The following PALLD variants were observed in gnomAD, a reference collection of about 807,000 sequenced individuals.
The protein encoded by PALLD is palladin.
A neutral mutation model predicts 123.5 loss-of-function variants in PALLD; 61 were observed. The observed-to-expected ratio is 0.49, with a 90% CI of 0.40 to 0.61. The LOEUF (loss-of-function observed/expected upper bound fraction) is 0.61. PALLD is among the 20% of genes least tolerant of loss of function. The pLI, the probability that PALLD is intolerant of heterozygous loss-of-function variation, is 0.00. For synonymous variants in PALLD, 465 were observed against 496.4 expected (o/e 0.94, Z 0.84); for missense variants, 1,273 against 1,377.0 (o/e 0.92, Z 1.20).
At chr4:168,906,777 A>G (rs1757897022) in intron 15 of PALLD, among the ~76,000 whole-genome samples, 1 of 152,200 alleles carries the variant, frequency 6.6e-6, no homozygotes. Context: ...AGCGTGAGCC[A>G]CTGCCATTAG....
In PALLD at chr4:168,669,607, A is replaced by AG. The variant is rs761141946; in HGVS notation, c.1087+1240dup. Among the ~76,000 whole-genome samples the AG allele has an allele frequency of 2.6e-3, 398 of 152,292 alleles. 2 individuals are homozygous for AG. Among genetic ancestry groups the AG allele is most frequent in the Non-Finnish European group, 4.2e-3 (289 of 68,030 alleles). On this transcript the variant is annotated intron_variant, in intron 3 of 21. Coordinates refer to ENST00000505667, the MANE Select transcript of PALLD (RefSeq NM_001166108.2). ...AAGCAAGACCCCATCTCTTAAAAAAAGAGAAAAATTTAAAAATAAAAAGTA... is the reference window on the plus strand; with the variant it reads ...AAGCAAGACCCCATCTCTTAAAAAAAGGAGAAAAATTTAAAAATAAAAAGTA...
In PALLD at chr4:168,761,645, G is replaced by GTTTTTTTTTTTTTTT. The variant is rs70961555; in HGVS notation, c.1964+49739_1964+49753dup. On this transcript the variant is annotated intron_variant, in intron 10 of 21. Transcript: ENST00000505667. ...CCAGCTATTTTTGTTGTTGTTGTTT[G>GTTTTTTTTTTTTTTT]TTTTTTTTTTTTTTTTTTTTTTTTT... 1.5e-3 allele frequency among the ~76,000 whole-genome samples: 132 copies of GTTTTTTTTTTTTTTT among 87,822 alleles called. 10 individuals carry two copies. The highest frequency in any genetic ancestry group is 2.2e-3 in the African/African-American group (54 of 24,094). 57.6% of individuals were successfully genotyped at this position (87,822 alleles called of 152,430 possible). A position where few individuals can be genotyped will look rare whatever the true frequency, so the allele number is the denominator to read the frequency against.
intron 10 of PALLD, among the ~76,000 whole-genome samples, chr4:168,717,241 G>GT (rs1232291158): frequency 6.6e-6 from 1 of 152,064 alleles, no homozygotes; most frequent in Non-Finnish European, 1.5e-5. Flanking sequence ...GCTCAACGAT[G>GT]TTTTTTGAAT....
intron 10 of PALLD, among the ~76,000 whole-genome samples, chr4:168,842,389 C>T (rs889856088): frequency 6.6e-6 from 1 of 152,234 alleles, no homozygotes; most frequent in African/African-American, 2.4e-5. Flanking sequence ...GCTTAACAGA[C>T]ACCTGATGTT....
At chr4:168,794,917 G>T (rs1005459052) in intron 10 of PALLD, among the ~76,000 whole-genome samples, 5 of 152,180 alleles carry the variant, frequency 3.3e-5, no homozygotes, top group African/African-American at 9.7e-5. Context: ...TGGCTTATAA[G>T]TAATAGAAAT....
chr4:168,794,465 C>T (rs551727234), intron 10 of PALLD, among the ~76,000 whole-genome samples: 22 of 151,432 alleles, frequency 1.5e-4, no homozygotes, highest in African/African-American at 4.4e-4. Context: ...AGCGCACAGA[C>T]GTACGTGCAC....
chr4:168,582,269 A>G (rs1345512713), intron 2 of PALLD, among the ~76,000 whole-genome samples: 1 of 151,970 alleles, frequency 6.6e-6, no homozygotes, highest in East Asian at 1.9e-4. Flanking sequence ...TTTCTTTTTC[A>G]TATAGTTCAT....
At chr4:168,571,684 G>A (rs550459637) in intron 2 of PALLD, among the ~76,000 whole-genome samples, 2 of 152,190 alleles carry the variant, frequency 1.3e-5, no homozygotes, top group African/African-American at 4.8e-5. Context: ...TTAGAAATCT[G>A]GTTTTATCGG....
At position 168,926,448 on chromosome 4, in the gene PALLD, T is replaced by TGTCA; in HGVS notation, c.*269_*272dup. 1.7e-6 allele frequency: 2 copies of TGTCA among 1,157,376 alleles called. No homozygotes were observed. Among genetic ancestry groups the TGTCA allele is most frequent in the Non-Finnish European group, 1.2e-6 (1 of 807,056 alleles). The allele number at this position is 1,157,376 out of a possible 1,614,324, so 71.7% of individuals were successfully genotyped here. A position where few individuals can be genotyped will look rare whatever the true frequency, so the allele number is the denominator to read the frequency against. ...CATTGCCTTGACCAACATATTCCTT[T>TGTCA]GTCACATTATGTAAAAGGCAGAAAC... is the stretch of plus-strand genomic sequence containing the variant. On this transcript the variant is annotated 3_prime_UTR_variant, in exon 22 of 22. Transcript: ENST00000505667.
chr4:168,600,441 C>T (rs1171594777), intron 2 of PALLD, among the ~76,000 whole-genome samples: 1 of 152,146 alleles, frequency 6.6e-6, no homozygotes, highest in Non-Finnish European at 1.5e-5. Context: ...TATGACTTCT[C>T]ATGCTTAAAT....
rs182992391 is a variant in PALLD at position 168,621,877 on chromosome 4, C to T, written c.909-46313C>T. On this transcript the variant is annotated intron_variant, in intron 2 of 21. Coordinates refer to ENST00000505667, the MANE Select transcript of PALLD (RefSeq NM_001166108.2). ...GGGATATGATGCTGTGTAAATCTAC[C>T]GTAAAAGTCCTTTGCACACAAAAGA... Among the ~76,000 whole-genome samples, 78 of 152,168 alleles carry T rather than the reference C, an allele frequency of 5.1e-4. 2 individuals carry two copies. In the Middle Eastern group the frequency reaches 0.01, roughly 20 times the overall value.
chr4:168,778,467 C>T (rs1193595244), intron 10 of PALLD, among the ~76,000 whole-genome samples: 1 of 152,148 alleles, frequency 6.6e-6, no homozygotes, highest in African/African-American at 2.4e-5. Context: ...GAGGCTTAAG[C>T]TTGCATCTTT....
chr4:168,547,645 A>G (rs1766282798), intron 2 of PALLD, among the ~76,000 whole-genome samples: 1 of 150,918 alleles, frequency 6.6e-6, no homozygotes, highest in Non-Finnish European at 1.5e-5. Context: ...GAGGCGCAAG[A>G]ATTGCTTAAA....
intron 10 of PALLD, among the ~76,000 whole-genome samples, chr4:168,725,236 A>T: frequency 6.6e-6 from 1 of 152,172 alleles, no homozygotes. Flanking sequence ...TCGCTCAGAG[A>T]AGTTTATAAA....
chr4:168,734,106 T>C (rs1340989217), intron 10 of PALLD, among the ~76,000 whole-genome samples: 1 of 152,226 alleles, frequency 6.6e-6, no homozygotes, highest in Non-Finnish European at 1.5e-5. Context: ...ATCGGTTTGA[T>C]ACTTAGAAAA....
At chr4:168,522,966 A>G (rs1243287528) in intron 2 of PALLD, among the ~76,000 whole-genome samples, 3 of 152,150 alleles carry the variant, frequency 2.0e-5, no homozygotes, top group East Asian at 3.9e-4. Flanking sequence ...CCAATGGTGA[A>G]GTCTAGTTCC....
chr4:168,550,331 A>T (rs1007210650), intron 2 of PALLD, among the ~76,000 whole-genome samples: 1 of 152,164 alleles, frequency 6.6e-6, no homozygotes, highest in Admixed American at 6.5e-5. Flanking sequence ...AAGTGCTTCA[A>T]TCATACCATC....
intron 10 of PALLD, among the ~76,000 whole-genome samples, chr4:168,724,579 GTA>G (rs1786359215): frequency 1.3e-5 from 2 of 152,192 alleles, no homozygotes; most frequent in Non-Finnish European, 2.9e-5. Flanking sequence ...GAATTAGATA[GTA>G]TGTCATTTGA....
At chr4:168,846,766 TGGGTATG>T (rs1746917725) in intron 10 of PALLD, among the ~76,000 whole-genome samples, 1 of 152,146 alleles carries the variant, frequency 6.6e-6, no homozygotes, top group Admixed American at 6.5e-5. Flanking sequence ...TCTCAAAGTG[TGGGTATG>T]GTACCCACAC....
Sources: allele counts gnomAD v4.1 joint callset (sites outside exome capture counted in the v4.1 genomes callset), GRCh38; gene constraint gnomAD v4.1.1; transcripts MANE v1.5; gene names NCBI Gene and HGNC (gene_info 2026-07-23, HGNC 2026-07-21).